The following BRSK2 variants were observed in gnomAD, a reference collection of about 807,000 sequenced individuals.
The protein encoded by BRSK2 is BR serine/threonine kinase 2.
BRSK2 carries 19 observed loss-of-function variants against 83.3 expected under a neutral mutation model. The observed-to-expected ratio is 0.23, with a 90% CI of 0.16 to 0.33. The LOEUF (loss-of-function observed/expected upper bound fraction) is 0.33, where lower values mean the gene tolerates loss of function less well. BRSK2 is among the 10% of genes least tolerant of loss of function. The probability of loss-of-function intolerance (pLI) is 1.00; values close to 1 mark genes in which losing one functional copy is unlikely to be tolerated. For missense variants in BRSK2, 798 were observed against 1,042.3 expected (o/e 0.77, Z 3.23); for synonymous variants, 519 against 435.4 (o/e 1.19, Z -2.39).
intron 4 of BRSK2, 89 bp from the exon 5 acceptor site, chr11:1,442,401 G>A (rs1851464406): frequency 2.1e-6 from 2 of 935,604 alleles, no homozygotes; most frequent in African/African-American, 1.6e-5. Context: ...GTTTGGAGAG[G>A]CAGTGGGCTC....
At chr11:1,442,656 G>A in intron 5 of BRSK2, 50 bp downstream of exon 5, 1 of 1,472,762 alleles carries the variant, frequency 6.8e-7, no homozygotes, top group Non-Finnish European at 9.5e-7. Flanking sequence ...GCTGGGCTGG[G>A]GGAAGAGGAG....
At chr11:1,405,829 C>T (rs1242949767) in intron 1 of BRSK2, among the ~76,000 whole-genome samples, 1 of 152,150 alleles carries the variant, frequency 6.6e-6, no homozygotes, top group African/African-American at 2.4e-5. Flanking sequence ...ACCTGCGTGG[C>T]AGTGACCCCA....
At chr11:1,443,232 T>C in intron 6 of BRSK2, 93 bp downstream of exon 6, 1 of 1,516,704 alleles carries the variant, frequency 6.6e-7, no homozygotes, top group South Asian at 1.2e-5. Context: ...CCCCAGGTGC[T>C]GCTAGGCTGC....
Position 1,461,300 on chromosome 11 carries a change from T to C in BRSK2, c.*577T>C. On this transcript the variant is annotated 3_prime_UTR_variant, in exon 20 of 20. Transcript: ENST00000528841. ...ACAGGAACAGGCCCCGTCCACCGCC[T>C]CCACGCCGCACCTGGAGGCCTCCTC... 2 of 444,598 alleles carry C rather than the reference T, an allele frequency of 4.5e-6. No homozygotes were observed. Among genetic ancestry groups the C allele is most frequent in the South Asian group, 2.5e-5 (1 of 39,458 alleles). The allele number at this position is 444,598 out of a possible 1,614,324, so 27.5% of individuals were successfully genotyped here. A position where few individuals can be genotyped will look rare whatever the true frequency, so the allele number is the denominator to read the frequency against.
intron 1 of BRSK2, among the ~76,000 whole-genome samples, chr11:1,404,836 C>T (rs1846725393): frequency 6.6e-6 from 1 of 152,184 alleles, no homozygotes; most frequent in Admixed American, 6.5e-5. Context: ...CTGGGACAGG[C>T]AGGCTCGCCG....
Position 1,443,640 on chromosome 11 carries a change from G to A in BRSK2, c.780+5G>A, listed in dbSNP as rs1203269328. ...GACGCCGCACGCCGCCTCACGGTGCGTGCCCTCGGAGCGGGGCGGCCCCAG... is the reference window on the plus strand; with the variant it reads ...GACGCCGCACGCCGCCTCACGGTGCATGCCCTCGGAGCGGGGCGGCCCCAG... On this transcript the variant is annotated splice_donor_5th_base_variant and intron_variant, in intron 8 of 19. Transcript: ENST00000528841. The A allele has an allele frequency of 5.0e-6, 8 of 1,591,118 alleles. No individual in the cohort carries two copies. Among genetic ancestry groups the A allele is most frequent in the East Asian group, 2.3e-5 (1 of 44,292 alleles).
Position 1,445,749 on chromosome 11 carries a change from G to A in BRSK2, c.1076-8G>A. ...GGGCTGTCTGGCCTGACCTTCGTCT[G>A]TACTCAGACCCTCCCCGGAAGCGTG... is the stretch of plus-strand genomic sequence containing the variant. On this transcript the variant is annotated splice_region_variant and splice_polypyrimidine_tract_variant and intron_variant, in intron 11 of 19. Transcript: ENST00000528841. 1.9e-6 allele frequency: 3 copies of A among 1,611,620 alleles called. No homozygotes were observed. Among genetic ancestry groups the A allele is most frequent in the Non-Finnish European group, 2.5e-6 (3 of 1,179,082 alleles).
intron 1 of BRSK2, among the ~76,000 whole-genome samples, chr11:1,394,901 G>T (rs1590290098): frequency 7.6e-6 from 1 of 131,310 alleles, no homozygotes; most frequent in Non-Finnish European, 1.6e-5. Context: ...GGGTCCTGGA[G>T]ATGGGCCATG....
Position 1,447,946 on chromosome 11 carries a change from G to T in BRSK2, c.1227-1830G>T. The T allele has an allele frequency of 2.2e-6, 3 of 1,352,234 alleles. No individual in the cohort carries two copies. In the South Asian group the frequency reaches 3.7e-5, roughly 17 times the overall value. 83.8% of individuals were successfully genotyped at this position (1,352,234 alleles called of 1,614,324 possible). A position where few individuals can be genotyped will look rare whatever the true frequency, so the allele number is the denominator to read the frequency against. On this transcript the variant is annotated intron_variant, in intron 12 of 19. Transcript: ENST00000528841. ...TCAGGCCGGGCAGGCACATGGGCGGGTCTGGTGGCGGGCTGGGCTGCAGGG... is the reference window on the plus strand; with the variant it reads ...TCAGGCCGGGCAGGCACATGGGCGGTTCTGGTGGCGGGCTGGGCTGCAGGG...
chr11:1,443,379 C>T lies in BRSK2; in HGVS notation c.609C>T (p.Gly203=), dbSNP rs768816649. 9 of 1,607,108 alleles carry T rather than the reference C, an allele frequency of 5.6e-6. No individual in the cohort carries two copies. The highest frequency in any genetic ancestry group is 2.2e-5 in the East Asian group (1 of 44,612). The change falls in exon 7 of 20, where the codon GGC becomes GGT. Residue 203 remains glycine (G), a synonymous_variant. Coordinates refer to ENST00000528841, the MANE Select transcript of BRSK2 (RefSeq NM_001256627.2). The part of the protein sequence containing the change: ...DGRKADVWSC[G]VILFALLVGA... ...GGAAGGCGGACGTGTGGAGCTGCGG[C>T]GTCATCCTGTTCGCCTTGCTGGTGG...
Position 1,443,134 on chromosome 11 carries a change from A to G in BRSK2, c.559A>G (p.Ile187Val). 1 of 1,536,826 alleles carries G rather than the reference A, an allele frequency of 6.5e-7. No homozygotes were observed. The highest frequency in any genetic ancestry group is 8.7e-7 in the Non-Finnish European group (1 of 1,146,238). ...CCCCCACTACGCCTGCCCCGAGGTGATCCGGGTGAGTCAGCGCCGCCGCGT... is the reference window on the plus strand; with the variant it reads ...CCCCCACTACGCCTGCCCCGAGGTGGTCCGGGTGAGTCAGCGCCGCCGCGT... Reference protein sequence around the residue: ...GSPHYACPEVIRGEKYDGRKA... With the variant: ...GSPHYACPEVVRGEKYDGRKA... Residue 187 changes from isoleucine to valine, a missense_variant, in exon 6 of 20, where the codon ATC becomes GTC. Around this residue, in one of 6 missense-constraint regions of BRSK2, gnomAD observed 109 missense variants for 259.2 expected, o/e 0.42. Coordinates refer to ENST00000528841, the MANE Select transcript of BRSK2 (RefSeq NM_001256627.2).
In BRSK2 at chr11:1,454,346, C is replaced by T. The variant is rs1846211341; in HGVS notation, c.1545-139C>T. On this transcript the variant is annotated intron_variant, in intron 15 of 19. Coordinates refer to ENST00000528841, the MANE Select transcript of BRSK2 (RefSeq NM_001256627.2). The surrounding 1 kb of genome is among the most constrained non-coding windows in gnomAD (Gnocchi z 5.2). ...GGCGTTGGGGTCAGGGCCATGGGTT[C>T]TGGCTAGCACTGTGGAGACAGCCGT... is the stretch of plus-strand genomic sequence containing the variant. 5.8e-6 allele frequency: 6 copies of T among 1,035,034 alleles called. No individual in the cohort carries two copies. The highest frequency in any genetic ancestry group is 1.9e-5 in the Admixed American group (1 of 52,120). The allele number at this position is 1,035,034 out of a possible 1,614,324, so 64.1% of individuals were successfully genotyped here.
intron 1 of BRSK2, among the ~76,000 whole-genome samples, chr11:1,416,145 T>G (rs545071874): frequency 4.6e-5 from 7 of 152,308 alleles, no homozygotes; most frequent in Admixed American, 2.6e-4. Context: ...TTTATAAAAT[T>G]TCTGTTTTAA....
chr11:1,405,319 GTGTA>G (rs1363369108), intron 1 of BRSK2, among the ~76,000 whole-genome samples: 2 of 152,256 alleles, frequency 1.3e-5, no homozygotes, highest in East Asian at 1.9e-4. Context: ...GTGTGCGTCT[GTGTA>G]TGTGTGTGTG....
intron 1 of BRSK2, among the ~76,000 whole-genome samples, chr11:1,413,454 G>A (rs569334520): frequency 2.0e-4 from 31 of 152,288 alleles, no homozygotes; most frequent in African/African-American, 7.0e-4. Context: ...CAGCCCTGAG[G>A]GCCCTGGCAG....
Position 1,423,772 on chromosome 11 carries a change from C to T in BRSK2, c.92-12268C>T, listed in dbSNP as rs374035581. On this transcript the variant is annotated intron_variant, in intron 1 of 19. Coordinates refer to ENST00000528841, the MANE Select transcript of BRSK2 (RefSeq NM_001256627.2). The surrounding 1 kb of genome is among the most constrained non-coding windows in gnomAD (Gnocchi z 6.5). ...CGTTCCGGGTGCCCCAGGCCTCCCCCGCTGGGCGTTCCGGGTGCCCCAGGC... is the reference window on the plus strand; with the variant it reads ...CGTTCCGGGTGCCCCAGGCCTCCCCTGCTGGGCGTTCCGGGTGCCCCAGGC... Among the ~76,000 whole-genome samples the T allele has an allele frequency of 0.034, 4,936 of 144,142 alleles. 122 individuals carry two copies. The highest frequency in any genetic ancestry group is 0.05 in the Admixed American group (737 of 14,616). 94.6% of individuals were successfully genotyped at this position (144,142 alleles called of 152,430 possible).
rs192452680 is a variant in BRSK2, at chr11:1,428,988, G to T, written c.92-7052G>T. On this transcript the variant is annotated intron_variant, in intron 1 of 19. Transcript: ENST00000528841. ...CCTTGGCGTGTGGGCGTGTGCACTG[G>T]GTGTGTCCTGGGTGTGTGTGCATGG... 1.4e-4 allele frequency among the ~76,000 whole-genome samples: 21 copies of T among 150,924 alleles called. No individual in the cohort carries two copies. In the East Asian group the frequency reaches 4.1e-3, roughly 30 times the overall value.
chr11:1,456,112 G>A (rs992118754), intron 16 of BRSK2, among the ~76,000 whole-genome samples: 10 of 152,272 alleles, frequency 6.6e-5, no homozygotes, highest in Admixed American at 1.3e-4. Flanking sequence ...AGAAAAGCCC[G>A]GCAGGGGCTT....
intron 19 of BRSK2, 72 bp from the exon 20 acceptor site, chr11:1,460,425 CCCT>C: frequency 1.1e-6 from 1 of 942,220 alleles, no homozygotes; most frequent in South Asian, 2.1e-5. Flanking sequence ...TCCTTCCCTC[CCCT>C]CCTCTTTCTC....
Sources: gnomAD v4.1 joint callset for allele counts (sites outside exome capture counted in the v4.1 genomes callset) on GRCh38, gnomAD v4.1.1 for gene constraint, gnomAD v4.1.1 regional missense constraint, Gnocchi (gnomAD v3.1) non-coding constraint, MANE v1.5 for transcripts, NCBI Gene and HGNC (gene_info 2026-07-23, HGNC 2026-07-21) for gene names.